CTRB1: variants seen among roughly 807,000 people sequenced by gnomAD.
CTRB1 encodes chymotrypsinogen B.
In CTRB1, 15 loss-of-function variants were observed where a neutral mutation model predicts 20.4. That is an observed-to-expected ratio of 0.74 (90% CI 0.49 to 1.13). The LOEUF (loss-of-function observed/expected upper bound fraction) is 1.13, where lower values mean the gene tolerates loss of function less well. Among genes scored for constraint, CTRB1 ranks in the 50% most tolerant of loss-of-function variants. CTRB1 has a pLI of 0.00. For synonymous variants in CTRB1, 92 were observed against 128.4 expected, an observed-to-expected ratio of 0.72 and a Z score of 1.92; for missense variants, 227 against 290.1, an observed-to-expected ratio of 0.78 and a Z score of 1.58.
At chr16:75,219,821 C>T (rs1397738488) in intron 1 of CTRB1, among the ~76,000 whole-genome samples, 2 of 152,248 alleles carry the variant, frequency 1.3e-5, no homozygotes, top group Non-Finnish European at 2.9e-5. Flanking sequence ...TGTACTCAGG[C>T]TTCCCTTTTC....
chr16:75,222,470 G>C, intron 1 of CTRB1: 2 of 485,626 alleles, frequency 4.1e-6, no homozygotes, highest in Non-Finnish European at 7.3e-6. Context: ...TGTCCTCGAG[G>C]CTGAGCCCAG....
intron 6 of CTRB1, among the ~76,000 whole-genome samples, chr16:75,224,486 G>T (rs1017955490): frequency 6.6e-6 from 1 of 152,214 alleles, no homozygotes; most frequent in African/African-American, 2.4e-5. Context: ...GCTTTACTGA[G>T]CTGCCATTAA....
At chr16:75,222,659 C>A in intron 1 of CTRB1, 109 bp from the exon 2 acceptor site, 2 of 1,256,964 alleles carry the variant, frequency 1.6e-6, no homozygotes, top group Non-Finnish European at 2.2e-6. Context: ...CCAGGGAGGT[C>A]CTGAGCTGGC....
chr16:75,220,675 T>G (rs957931531), intron 1 of CTRB1, among the ~76,000 whole-genome samples: 1 of 152,280 alleles, frequency 6.6e-6, no homozygotes, highest in African/African-American at 2.4e-5. Context: ...TTCCTGCATG[T>G]TGACGTGGAG....
chr16:75,219,161 C>A, intron 1 of CTRB1, 102 bp downstream of exon 1: 4 of 1,249,086 alleles, frequency 3.2e-6, no homozygotes, highest in Non-Finnish European at 4.5e-6. Flanking sequence ...TCATCCCCAG[C>A]ACAGGTAACC....
chr16:75,224,723 C>G lies in CTRB1; in HGVS notation c.649C>G (p.Leu217Val), dbSNP rs1415350767. 1 of 1,612,098 alleles carries G rather than the reference C, an allele frequency of 6.2e-7. No individual in the cohort carries two copies. The highest frequency in any genetic ancestry group is 1.7e-5 in the Admixed American group (1 of 59,540). ...CCCACAGGGCGACTCTGGCGGCCCC[C>G]TGGTCTGCCAAAAGGATGGAGCCTG... ...SSCMGDSGGP[L>V]VCQKDGAWTL... The change falls in exon 7 of 7, where the codon CTG becomes GTG. Residue 217 changes from leucine to valine, a missense_variant. Around this residue, in one of 4 missense-constraint regions of CTRB1, gnomAD observed 108 missense variants for 76.9 expected, o/e 1.41. Transcript: ENST00000361017.
At chr16:75,221,544 G>C (rs1233990452) in intron 1 of CTRB1, among the ~76,000 whole-genome samples, 3 of 152,144 alleles carry the variant, frequency 2.0e-5, no homozygotes, top group Admixed American at 6.5e-5. Flanking sequence ...ATTTTTAGTA[G>C]AGATGGGGTT....
Position 75,219,158 on chromosome 16 carries a change from C to T in CTRB1, c.52+99C>T, listed in dbSNP as rs556315255. The T allele has an allele frequency of 3.4e-5, 44 of 1,295,402 alleles. No homozygotes were observed. The African/African-American group carries it at 5.6e-4, about 16-fold the overall frequency. The allele number at this position is 1,295,402 out of a possible 1,614,324, so 80.2% of individuals were successfully genotyped here. The stretch of plus-strand genomic sequence containing the variant: ...GCTCTGCCCCCTGGGGCCTCATCCC[C>T]AGCACAGGTAACCTGAGGGCTCAGG... On this transcript the variant is annotated intron_variant, in intron 1 of 6. Transcript: ENST00000361017.
intron 1 of CTRB1, 103 bp downstream of exon 1, chr16:75,219,162 A>G (rs576359647): frequency 3.2e-6 from 4 of 1,251,752 alleles, no homozygotes; most frequent in African/African-American, 1.5e-5. Flanking sequence ...CATCCCCAGC[A>G]CAGGTAACCT....
At chr16:75,219,140 C>G (rs1472027443) in intron 1 of CTRB1, 81 bp downstream of exon 1, 1 of 1,437,780 alleles carries the variant, frequency 7.0e-7, no homozygotes, top group Non-Finnish European at 9.5e-7. Context: ...CCTGCTCTGC[C>G]CCCTGGGGCC....
intron 1 of CTRB1, among the ~76,000 whole-genome samples, chr16:75,222,049 A>C (rs550967211): frequency 8.7e-5 from 12 of 137,152 alleles, no homozygotes; most frequent in Non-Finnish European, 1.7e-4. Flanking sequence ...CAACAGAGCA[A>C]GACTGTCTCA....
In CTRB1 at chr16:75,222,977, C is replaced by G; in HGVS notation, c.165C>G (p.Thr55=). 1 of 1,012,288 alleles carries G rather than the reference C, an allele frequency of 9.9e-7. No individual in the cohort carries two copies. 62.7% of individuals were successfully genotyped at this position (1,012,288 alleles called of 1,614,324 possible). A position where few individuals can be genotyped will look rare whatever the true frequency, so the allele number is the denominator to read the frequency against. ...CCCCATCTTGCTCACAGGACAAAAC[C>G]GGCTTCCACTTCTGCGGGGGCTCCC... ...WPWQVSLQDK[T]GFHFCGGSLI... Residue 55 remains threonine (T), a synonymous_variant, in exon 3 of 7, where the codon ACC becomes ACG. Coordinates refer to ENST00000361017, the MANE Select transcript of CTRB1 (RefSeq NM_001906.6).
intron 1 of CTRB1, among the ~76,000 whole-genome samples, chr16:75,222,079 A>G (rs1567569863): frequency 6.6e-6 from 1 of 151,504 alleles, no homozygotes; most frequent in Admixed American, 6.6e-5. Context: ...AAAAAAAAAA[A>G]AAAAAAAGGA....
intron 1 of CTRB1, 59 bp downstream of exon 1, chr16:75,219,118 G>T: frequency 6.5e-7 from 1 of 1,529,140 alleles, no homozygotes; most frequent in Non-Finnish European, 8.8e-7. Flanking sequence ...GCTGAGAGGG[G>T]GATCTGAGTC....
In CTRB1 at chr16:75,224,575, C is replaced by T. The variant is rs928908971; in HGVS notation, c.631-130C>T. 53 of 1,120,660 alleles carry T rather than the reference C, an allele frequency of 4.7e-5. No individual in the cohort carries two copies. In the East Asian group the frequency reaches 6.0e-4, roughly 13 times the overall value. 69.4% of individuals were successfully genotyped at this position (1,120,660 alleles called of 1,614,324 possible). A position where few individuals can be genotyped will look rare whatever the true frequency, so the allele number is the denominator to read the frequency against. On this transcript the variant is annotated intron_variant, in intron 6 of 6. Coordinates refer to ENST00000361017, the MANE Select transcript of CTRB1 (RefSeq NM_001906.6). ...AGCTACTAGGGTCTTTCATAACCCA[C>T]GCAACAGCACATGCTGAGCCTTTGC...
chr16:75,222,432 G>A (rs931061910), intron 1 of CTRB1, among the ~76,000 whole-genome samples: 6 of 152,174 alleles, frequency 3.9e-5, no homozygotes, highest in East Asian at 1.9e-4. Context: ...TGCCCTGCCC[G>A]GTCTAGGGTC....
intron 1 of CTRB1, 64 bp from the exon 2 acceptor site, chr16:75,222,704 C>T (rs750901494): frequency 2.0e-5 from 30 of 1,497,870 alleles, no homozygotes; most frequent in African/African-American, 4.2e-5. Context: ...GAGAGCTGCA[C>T]GCAGGCAGGT....
At chr16:75,219,142 C>CAGGGGGCAGAG in intron 1 of CTRB1, 83 bp downstream of exon 1, 1 of 1,427,162 alleles carries the variant, frequency 7.0e-7, no homozygotes, top group Non-Finnish European at 9.5e-7. Flanking sequence ...TGCTCTGCCC[C>CAGGGGGCAGAG]CTGGGGCCTC....
rs12446696 is a variant in CTRB1 at position 75,220,170 on chromosome 16, G to T, written c.52+1111G>T. On this transcript the variant is annotated intron_variant, in intron 1 of 6. Transcript: ENST00000361017. ...CTTGTTTTGTTTTGTAGAGATGGAG[G>T]TTTTTTTTGTTATTTTTTTTTCTTT... Among the ~76,000 whole-genome samples the T allele has an allele frequency of 9.0e-3, 1,328 of 147,848 alleles. 62 individuals carry two copies. The highest frequency in any genetic ancestry group is 0.079 in the Admixed American group (1,199 of 15,088).
Sources: gnomAD v4.1 joint callset for allele counts (sites outside exome capture counted in the v4.1 genomes callset) on GRCh38, gnomAD v4.1.1 for gene constraint, gnomAD v4.1.1 regional missense constraint, MANE v1.5 for transcripts, NCBI Gene and HGNC (gene_info 2026-07-23, HGNC 2026-07-21) for gene names.